Variants in ZEB2 observed in about 807,000 individuals in gnomAD.
The protein encoded by ZEB2 is zinc finger E-box-binding homeobox 2.
In ZEB2, 6 loss-of-function variants were observed where a neutral mutation model predicts 99.9. That is an observed-to-expected ratio of 0.06 (90% CI 0.03 to 0.12). ZEB2 has a LOEUF of 0.12. Among genes scored for constraint, ZEB2 ranks in the 10% least tolerant of loss-of-function variants. The pLI is 1.00. For synonymous variants in ZEB2, 517 were observed against 542.5 expected (o/e 0.95, Z 0.65); for missense variants, 969 against 1,502.8 (o/e 0.64, Z 5.87).
chr2:144,475,197 A>C (rs773642164), intron 2 of ZEB2, among the ~76,000 whole-genome samples: 2 of 152,172 alleles, frequency 1.3e-5, no homozygotes, highest in African/African-American at 2.4e-5. Flanking sequence ...ATGAAGTTTT[A>C]GTTTATGCGT....
chr2:144,398,642 C>T lies in ZEB2; in HGVS notation c.2545G>A (p.Val849Ile), dbSNP rs1560606101. 3.2e-5 allele frequency: 51 copies of T among 1,614,050 alleles called. No homozygotes were observed. Among genetic ancestry groups the T allele is most frequent in the Non-Finnish European group, 4.2e-5 (50 of 1,180,012 alleles). The change falls in exon 8 of 10, where the codon GTT becomes ATT. Residue 849 changes from valine to isoleucine, a missense_variant. This residue lies in a region of ZEB2 where 346 missense variants were observed against 460.0 expected (regional missense o/e 0.75). Transcript: ENST00000627532. ...ASSISLDHNS[V>I]SSSSENSDEP... is the part of the protein sequence containing the mutation. ...TCTGAGTTTTCAGATGAGGAAGAAACACTGTTATGATCTAAACTGATGCTA... is the reference window on the plus strand; with the variant it reads ...TCTGAGTTTTCAGATGAGGAAGAAATACTGTTATGATCTAAACTGATGCTA...
chr2:144,413,423 T>C (rs1247932962), intron 4 of ZEB2, among the ~76,000 whole-genome samples: 1 of 152,238 alleles, frequency 6.6e-6, no homozygotes, highest in Non-Finnish European at 1.5e-5. Context: ...CAGCATTCAT[T>C]AGCCAGGAAG....
chr2:144,422,437 G>T (rs1703630952), intron 4 of ZEB2, among the ~76,000 whole-genome samples: 1 of 152,062 alleles, frequency 6.6e-6, no homozygotes, highest in Admixed American at 6.6e-5. Context: ...TATTTAGTTC[G>T]AATTCTACCT....
intron 2 of ZEB2, among the ~76,000 whole-genome samples, chr2:144,477,967 G>A (rs1704453515): frequency 6.6e-6 from 1 of 152,062 alleles, no homozygotes; most frequent in Admixed American, 6.5e-5. Context: ...ACTAGAATCA[G>A]GCAGGAACAT....
chr2:144,397,855 GGTCTCAAA>G, intron 8 of ZEB2: 1 of 304,832 alleles, frequency 3.3e-6, no homozygotes, highest in Non-Finnish European at 6.4e-6. Flanking sequence ...TGGCCAGGCT[GGTCTCAAA>G]CTCCTGACCT....
rs529781092 is a variant in ZEB2 at position 144,385,947 on chromosome 2, C to T, written c.*3504G>A. 53 of 152,242 alleles carry T rather than the reference C, an allele frequency of 3.5e-4. No homozygotes were observed. Among genetic ancestry groups the T allele is most frequent in the African/African-American group, 1.3e-3 (52 of 41,540 alleles). 9.4% of individuals were successfully genotyped at this position (152,242 alleles called of 1,614,324 possible). A position where few individuals can be genotyped will look rare whatever the true frequency, so the allele number is the denominator to read the frequency against. ...CACTCCGCCCCCAGTCCAATTCATG[C>T]TAAGGAAGATGTATGTTTTGTTTAG... On this transcript the variant is annotated 3_prime_UTR_variant, in exon 10 of 10. Coordinates refer to ENST00000627532, the MANE Select transcript of ZEB2 (RefSeq NM_014795.4).
chr2:144,513,393 T>C, intron 2 of ZEB2: 1 of 1,361,222 alleles, frequency 7.3e-7, no homozygotes, highest in Non-Finnish European at 9.6e-7. Context: ...GCTCCCCTTC[T>C]CCTTCACACT....
intron 2 of ZEB2, among the ~76,000 whole-genome samples, chr2:144,456,071 G>C (rs731108): frequency 0.077 from 11,755 of 151,980 alleles, 489 homozygotes; most frequent in Middle Eastern, 0.16. Context: ...ATTTAAGAAG[G>C]CTGCCTCTAA....
intron 2 of ZEB2, among the ~76,000 whole-genome samples, chr2:144,485,981 C>T (rs1451247629): frequency 2.6e-5 from 4 of 152,142 alleles, no homozygotes; most frequent in Non-Finnish European, 2.9e-5. Flanking sequence ...TAAACCCTCT[C>T]CTTGGATATA....
intron 2 of ZEB2, among the ~76,000 whole-genome samples, chr2:144,467,162 T>TA (rs199536081): frequency 0.12 from 16,610 of 140,482 alleles, 1,125 homozygotes; most frequent in East Asian, 0.24. Context: ...CATTGTTAAA[T>TA]AAAAAAAAAA....
At chr2:144,404,232 G>A in intron 5 of ZEB2, 102 bp from the exon 6 acceptor site, 1 of 1,302,416 alleles carries the variant, frequency 7.7e-7, no homozygotes, top group Non-Finnish European at 1.1e-6. Flanking sequence ...AGGAATCACT[G>A]CAATCTGCTC....
At chr2:144,508,583 C>CA (rs1704983908) in intron 2 of ZEB2, among the ~76,000 whole-genome samples, 1 of 151,870 alleles carries the variant, frequency 6.6e-6, no homozygotes, top group Non-Finnish European at 1.5e-5. Context: ...TTGTGCCCAG[C>CA]AAAAAATAAC....
intron 2 of ZEB2, among the ~76,000 whole-genome samples, chr2:144,509,944 G>A (rs1195139076): frequency 1.3e-5 from 2 of 152,056 alleles, no homozygotes; most frequent in Admixed American, 1.3e-4. Context: ...ACAAGAGAAC[G>A]TGAATACCAC....
chr2:144,432,950 CAGCATTTAAA>C (rs1044968018), intron 2 of ZEB2, among the ~76,000 whole-genome samples: 20 of 152,056 alleles, frequency 1.3e-4, no homozygotes, highest in African/African-American at 4.6e-4. Flanking sequence ...TCTTTTTATT[CAGCATTTAAA>C]AGCCTGGAAG....
chr2:144,392,693 T>C (rs1034423748), intron 9 of ZEB2, among the ~76,000 whole-genome samples: 4 of 152,224 alleles, frequency 2.6e-5, no homozygotes, highest in Admixed American at 2.0e-4. Context: ...AGTAACTGAC[T>C]TGGACATTCA....
At chr2:144,512,895 C>A in intron 2 of ZEB2, 5 of 1,287,300 alleles carry the variant, frequency 3.9e-6, no homozygotes, top group Non-Finnish European at 5.1e-6. Context: ...ACCTGCCACA[C>A]AACCTGCCCC....
At chr2:144,411,994 G>A (rs1352749691) in intron 4 of ZEB2, among the ~76,000 whole-genome samples, 2 of 152,248 alleles carry the variant, frequency 1.3e-5, no homozygotes, top group African/African-American at 4.8e-5. Context: ...GATAGGCCGG[G>A]CACGGTGGCT....
intron 2 of ZEB2, among the ~76,000 whole-genome samples, chr2:144,459,447 T>C (rs1704163223): frequency 6.6e-6 from 1 of 152,262 alleles, no homozygotes; most frequent in East Asian, 1.9e-4. Flanking sequence ...AGAACTGCCA[T>C]GGGGAAATTT....
Position 144,388,574 on chromosome 2 carries a change from A to C in ZEB2, c.*877T>G, listed in dbSNP as rs1282893252. 1 of 153,198 alleles carries C rather than the reference A, an allele frequency of 6.5e-6. No homozygotes were observed. Among genetic ancestry groups the C allele is most frequent in the Non-Finnish European group, 1.5e-5 (1 of 68,414 alleles). The allele number at this position is 153,198 out of a possible 1,614,324, so 9.5% of individuals were successfully genotyped here. ...TACTGACAAAATTAATGAACAAAAA[A>C]GTACAGAAAATAATTGCACAAACAT... On this transcript the variant is annotated 3_prime_UTR_variant, in exon 10 of 10. Coordinates refer to ENST00000627532, the MANE Select transcript of ZEB2 (RefSeq NM_014795.4). The surrounding 1 kb of genome is among the most constrained non-coding windows in gnomAD (Gnocchi z 5.4).
Sources: allele counts gnomAD v4.1 joint callset (sites outside exome capture counted in the v4.1 genomes callset), GRCh38; gene constraint gnomAD v4.1.1; regional missense constraint gnomAD v4.1.1; non-coding constraint Gnocchi (gnomAD v3.1); transcripts MANE v1.5; gene names NCBI Gene and HGNC (gene_info 2026-07-23, HGNC 2026-07-21).